ATXN1: variants seen among roughly 807,000 people sequenced by gnomAD.
ATXN1 encodes ataxin 1.
ATXN1 carries 8 observed loss-of-function variants against 56.4 expected under a neutral mutation model. That is an observed-to-expected ratio of 0.14 (90% confidence interval 0.08 to 0.26). The LOEUF (loss-of-function observed/expected upper bound fraction) is 0.26. Ranked by LOEUF, ATXN1 falls within the 10% of genes least tolerant of loss-of-function variation. The pLI, the probability that ATXN1 is intolerant of heterozygous loss-of-function variation, is 1.00. For synonymous variants in ATXN1, 514 were observed against 494.6 expected (o/e 1.04, Z -0.52); for missense variants, 987 against 1,106.5 (o/e 0.89, Z 1.53).
At position 16,302,506 on chromosome 6, in the gene ATXN1, G is replaced by A. The variant is rs1444157330; in HGVS notation, c.*3823C>T. On this transcript the variant is annotated 3_prime_UTR_variant, in exon 8 of 8. Coordinates refer to ENST00000436367, the MANE Select transcript of ATXN1 (RefSeq NM_001128164.2). Reference sequence around the variant, plus strand: ...GGATTTCCACTTTAAAAGATCTGAGGTAAGTGGCATCCATCTCTGTATCCC... The same window carrying A: ...GGATTTCCACTTTAAAAGATCTGAGATAAGTGGCATCCATCTCTGTATCCC... 6.6e-6 allele frequency: 1 copy of A among 152,560 alleles called. No individual in the cohort carries two copies. Among genetic ancestry groups the A allele is most frequent in the Non-Finnish European group, 1.5e-5 (1 of 68,030 alleles). 9.5% of individuals were successfully genotyped at this position (152,560 alleles called of 1,614,324 possible).
chr6:16,366,425 C>G (rs1420651755), intron 6 of ATXN1, among the ~76,000 whole-genome samples: 2 of 152,058 alleles, frequency 1.3e-5, no homozygotes, highest in Non-Finnish European at 1.5e-5. Context: ...AACAAAAGGG[C>G]CTCTTGGATT....
At chr6:16,307,008 C>G in intron 7 of ATXN1, 149 bp from the exon 8 acceptor site, 1 of 911,090 alleles carries the variant, frequency 1.1e-6, no homozygotes, top group Non-Finnish European at 1.6e-6. Context: ...GTTTGCAAAC[C>G]TCCCTCTCCC....
intron 6 of ATXN1, among the ~76,000 whole-genome samples, chr6:16,483,953 GA>G (rs1486742298): frequency 6.6e-6 from 1 of 152,190 alleles, no homozygotes; most frequent in Non-Finnish European, 1.5e-5. Context: ...ACCTGATTGG[GA>G]AAATGATTTC....
At chr6:16,544,702 G>A (rs1761781006) in intron 4 of ATXN1, among the ~76,000 whole-genome samples, 1 of 152,224 alleles carries the variant, frequency 6.6e-6, no homozygotes, top group Non-Finnish European at 1.5e-5. Context: ...GCAGATGTGA[G>A]CAGCAGCGAC....
chr6:16,430,706 G>GGTGTGT (rs554132123), intron 6 of ATXN1, among the ~76,000 whole-genome samples: 3 of 149,470 alleles, frequency 2.0e-5, no homozygotes, highest in Non-Finnish European at 4.5e-5. Flanking sequence ...TGGTGCTGCT[G>GGTGTGT]GTGTGTGTGT....
chr6:16,684,453 G>C (rs572860482), intron 2 of ATXN1, among the ~76,000 whole-genome samples: 2 of 152,242 alleles, frequency 1.3e-5, no homozygotes, highest in Non-Finnish European at 2.9e-5. Flanking sequence ...CAAACCCTTG[G>C]CTAATTCCAC....
intron 6 of ATXN1, among the ~76,000 whole-genome samples, chr6:16,372,230 T>C (rs1390881060): frequency 6.6e-6 from 1 of 152,130 alleles, no homozygotes; most frequent in Non-Finnish European, 1.5e-5. Flanking sequence ...ATGGAGCCAG[T>C]ATCCTTCTGT....
chr6:16,539,009 C>T (rs906088865), intron 4 of ATXN1, among the ~76,000 whole-genome samples: 5 of 152,066 alleles, frequency 3.3e-5, no homozygotes, highest in Non-Finnish European at 7.4e-5. Flanking sequence ...CTAACCTATC[C>T]TCTCCTCACT....
chr6:16,327,109 G>C lies in ATXN1; in HGVS notation c.1202C>G (p.Thr401Ser), dbSNP rs918364065. 7 of 1,613,506 alleles carry C rather than the reference G, an allele frequency of 4.3e-6. No homozygotes were observed. In the Admixed American group the frequency reaches 5.0e-5, roughly 12 times the overall value. Reference protein sequence around the residue: ...PAADLEVQQATHREASPSTLN... With the variant: ...PAADLEVQQASHREASPSTLN... ...GGTAGAAGGGGAGGCTTCACGATGA[G>C]TGGCCTGTTGCACCTCCAGGTCAGC... The change falls in exon 7 of 8, where the codon ACT becomes AGT. Residue 401 changes from threonine (T) to serine (S), a missense_variant. Around this residue, in one of 3 missense-constraint regions of ATXN1, gnomAD observed 723 missense variants for 791.7 expected, o/e 0.91. Coordinates refer to ENST00000436367, the MANE Select transcript of ATXN1 (RefSeq NM_001128164.2).
intron 6 of ATXN1, among the ~76,000 whole-genome samples, chr6:16,448,500 A>C (rs1331516190): frequency 6.6e-6 from 1 of 152,212 alleles, no homozygotes; most frequent in African/African-American, 2.4e-5. Flanking sequence ...AGTGATATGT[A>C]CTATTGAATC....
intron 4 of ATXN1, among the ~76,000 whole-genome samples, chr6:16,536,637 C>T (rs1186247475): frequency 6.6e-6 from 1 of 152,174 alleles, no homozygotes; most frequent in Non-Finnish European, 1.5e-5. Context: ...CTGATTTCTC[C>T]TTTTAACCTC....
chr6:16,486,461 G>A (rs970891756), intron 5 of ATXN1, among the ~76,000 whole-genome samples: 2 of 152,166 alleles, frequency 1.3e-5, no homozygotes, highest in African/African-American at 4.8e-5. Flanking sequence ...ACTGGGTCAT[G>A]GAGAAGATCA....
At chr6:16,640,779 C>T (rs570076402) in intron 3 of ATXN1, among the ~76,000 whole-genome samples, 155 of 152,060 alleles carry the variant, frequency 1.0e-3, no homozygotes, top group African/African-American at 3.7e-3. Flanking sequence ...GAGTCACATA[C>T]CTCTCAATTT....
chr6:16,347,601 C>G (rs1581705274), intron 6 of ATXN1, among the ~76,000 whole-genome samples: 1 of 152,214 alleles, frequency 6.6e-6, no homozygotes, highest in Admixed American at 6.5e-5. Flanking sequence ...ATGCACCAAT[C>G]CACACTCTGT....
chr6:16,504,029 A>G (rs910500326), intron 5 of ATXN1, among the ~76,000 whole-genome samples: 6 of 152,164 alleles, frequency 3.9e-5, no homozygotes, highest in African/African-American at 1.4e-4. Context: ...GGTGTGGGGT[A>G]CCCAGGTTCT....
intron 2 of ATXN1, among the ~76,000 whole-genome samples, chr6:16,746,881 A>G (rs1474122899): frequency 2.0e-5 from 3 of 152,158 alleles, no homozygotes; most frequent in Admixed American, 1.3e-4. Context: ...GAACTGTACA[A>G]TGTCAGAGAT....
In ATXN1 at chr6:16,606,528, T is replaced by TTTTTA. The variant is rs1397546391; in HGVS notation, c.-488-20622_-488-20621insTAAAA. The stretch of plus-strand genomic sequence containing the variant: ...GTGGTTTTTTTGTTTGTGGGTTTTT[T>TTTTTA]TTTTTATTTTTATTTTTTGAGACAC... On this transcript the variant is annotated intron_variant, in intron 3 of 7. Transcript: ENST00000436367. Among the ~76,000 whole-genome samples the TTTTTA allele has an allele frequency of 4.8e-3, 730 of 151,882 alleles. 4 individuals are homozygous for TTTTTA. Among genetic ancestry groups the TTTTTA allele is most frequent in the Non-Finnish European group, 7.8e-3 (529 of 67,922 alleles).
chr6:16,705,366 C>T (rs966141290), intron 2 of ATXN1, among the ~76,000 whole-genome samples: 5 of 152,164 alleles, frequency 3.3e-5, no homozygotes, highest in African/African-American at 1.2e-4. Flanking sequence ...AATCAAGTAA[C>T]GTAAACATCC....
At chr6:16,643,366 C>T (rs987735099) in intron 3 of ATXN1, among the ~76,000 whole-genome samples, 1 of 151,828 alleles carries the variant, frequency 6.6e-6, no homozygotes, top group Admixed American at 6.6e-5. Flanking sequence ...CGGTGGCTCA[C>T]GCCTGTAATT....
Sources: gnomAD v4.1 joint callset for allele counts (sites outside exome capture counted in the v4.1 genomes callset) on GRCh38, gnomAD v4.1.1 for gene constraint, gnomAD v4.1.1 regional missense constraint, MANE v1.5 for transcripts, NCBI Gene and HGNC (gene_info 2026-07-23, HGNC 2026-07-21) for gene names.